The following WDR91 variants were observed in gnomAD, a reference collection of about 807,000 sequenced individuals.
WDR91 encodes the protein WD repeat-containing protein 91.
Under a neutral mutation model 88.4 loss-of-function variants are expected in WDR91, and 52 were observed. The ratio of observed to expected loss-of-function variants is 0.59; its 90% CI spans 0.47 to 0.74. The LOEUF is 0.74. WDR91 is among the 30% of genes least tolerant of loss of function. The pLI, the probability that WDR91 is intolerant of heterozygous loss-of-function variation, is 0.00. For missense variants in WDR91, 824 were observed against 954.5 expected, an observed-to-expected ratio of 0.86 and a Z score of 1.80; for synonymous variants, 362 against 389.5, an observed-to-expected ratio of 0.93 and a Z score of 0.83.
chr7:135,211,455 C>T lies in WDR91; in HGVS notation c.48G>A (p.Leu16=). Residue 16 remains leucine (L), a synonymous_variant, in exon 1 of 15, where the codon CTG becomes CTA. Transcript: ENST00000354475. ...GTGTGTGCGTGAACCCGCGGAAGAG[C>T]AGGTACTCCCGGACCAGCTCGTCAG... ...ERTDELVREY[L]LFRGFTHTLR... 1 of 1,612,374 alleles carries T rather than the reference C, an allele frequency of 6.2e-7. No homozygotes were observed. The highest frequency in any genetic ancestry group is 8.5e-7 in the Non-Finnish European group (1 of 1,179,298).
At chr7:135,188,590 G>A in intron 12 of WDR91, 45 bp from the exon 13 acceptor site, 3 of 1,546,506 alleles carry the variant, frequency 1.9e-6, no homozygotes, top group Non-Finnish European at 1.8e-6. Context: ...CCAGGGCTCT[G>A]CAGAAGGAAT....
intron 3 of WDR91, 57 bp downstream of exon 3, chr7:135,208,734 T>A: frequency 6.8e-7 from 1 of 1,463,542 alleles, no homozygotes; most frequent in Non-Finnish European, 9.2e-7. Flanking sequence ...GGGCTACTGA[T>A]CCTGAGGTCT....
intron 3 of WDR91, among the ~76,000 whole-genome samples, chr7:135,208,367 C>T (rs1831883341): frequency 6.6e-6 from 1 of 152,212 alleles, no homozygotes; most frequent in African/African-American, 2.4e-5. Flanking sequence ...AACACTAACA[C>T]AGACAGAAGT....
At position 135,209,637 on chromosome 7, in the gene WDR91, C is replaced by T; in HGVS notation, c.242G>A (p.Arg81Lys). 6.2e-7 allele frequency: 1 copy of T among 1,611,608 alleles called. No individual in the cohort carries two copies. The highest frequency in any genetic ancestry group is 8.5e-7 in the Non-Finnish European group (1 of 1,178,826). The change falls in exon 2 of 15, where the codon AGA (arginine) becomes AAA (lysine). Residue 81 changes from arginine (R) to lysine (K), a missense_variant. Transcript: ENST00000354475. ...RLFSRLEDIY[R>K]PTIHKLKTSL... The stretch of plus-strand genomic sequence containing the variant: ...GGTTTTCAGCTTGTGGATTGTGGGT[C>T]TGTATATATCCTCCAAGCGGCTGAA...
chr7:135,184,283 A>G lies in WDR91; in HGVS notation c.*1868T>C, dbSNP rs973132307. 6.6e-6 allele frequency: 1 copy of G among 152,182 alleles called. No individual in the cohort carries two copies. The highest frequency in any genetic ancestry group is 1.5e-5 in the Non-Finnish European group (1 of 68,022). The allele number at this position is 152,182 out of a possible 1,614,324, so 9.4% of individuals were successfully genotyped here. On this transcript the variant is annotated 3_prime_UTR_variant, in exon 15 of 15. Coordinates refer to ENST00000354475, the MANE Select transcript of WDR91 (RefSeq NM_014149.4). ...ACTTTTCCCTCAACTCCCAGAACAA[A>G]GCCAAGACTTTGGTACCAATTTCTT... is the stretch of plus-strand genomic sequence containing the variant.
At chr7:135,194,047 G>A (rs1228186209) in intron 9 of WDR91, among the ~76,000 whole-genome samples, 9 of 151,992 alleles carry the variant, frequency 5.9e-5, no homozygotes, top group East Asian at 1.9e-4. Context: ...CCCTCCCAGC[G>A]TACTCGCTTC....
At position 135,185,595 on chromosome 7, in the gene WDR91, G is replaced by C. The variant is rs532114941; in HGVS notation, c.*556C>G. ...ATTCTGTGGCCTTGACTTAAGCCCA[G>C]AGAAACAGGAACTGCCAAACCTTGT... On this transcript the variant is annotated 3_prime_UTR_variant, in exon 15 of 15. Transcript: ENST00000354475. 6.6e-6 allele frequency: 1 copy of C among 152,224 alleles called. No individual in the cohort carries two copies. The highest frequency in any genetic ancestry group is 2.4e-5 in the African/African-American group (1 of 41,436). 9.4% of individuals were successfully genotyped at this position (152,224 alleles called of 1,614,324 possible).
chr7:135,204,280 G>C lies in WDR91; in HGVS notation c.879C>G (p.Ser293=). Residue 293 remains serine, a synonymous_variant, in exon 6 of 15, where the codon TCC becomes TCG. Transcript: ENST00000354475. ...GACTTGTGCTTACCTGACCACCGAA[G>C]GACTCTTTCTTGGCCGAGCTCTGAG... is the stretch of plus-strand genomic sequence containing the variant. ...PQPQSSAKKE[S]FGGQGTKGKD... 1.2e-6 allele frequency: 2 copies of C among 1,614,070 alleles called. No individual in the cohort carries two copies. Among genetic ancestry groups the C allele is most frequent in the Non-Finnish European group, 1.7e-6 (2 of 1,179,994 alleles).
chr7:135,209,882 T>A (rs1420531000), intron 1 of WDR91, 127 bp from the exon 2 acceptor site: 8 of 805,724 alleles, frequency 9.9e-6, no homozygotes, highest in Non-Finnish European at 1.4e-5. Context: ...TAGCAATCTA[T>A]AAAATTTTCA....
At position 135,187,125 on chromosome 7, in the gene WDR91, C is replaced by T. The variant is rs760361048; in HGVS notation, c.1926G>A (p.Glu642=). 8 of 1,614,244 alleles carry T rather than the reference C, an allele frequency of 5.0e-6. No homozygotes were observed. Among genetic ancestry groups the T allele is most frequent in the Non-Finnish European group, 6.8e-6 (8 of 1,180,044 alleles). Residue 642 remains glutamate (E), a synonymous_variant, in exon 14 of 15, where the codon GAG becomes GAA. Coordinates refer to ENST00000354475, the MANE Select transcript of WDR91 (RefSeq NM_014149.4). ...CCGTGGCATCTGAGGGGAGGCTGTACTCGGATACCTTGAGGCCACTCTTGT... is the reference window on the plus strand; with the variant it reads ...CCGTGGCATCTGAGGGGAGGCTGTATTCGGATACCTTGAGGCCACTCTTGT... ...NIHKSGLKVS[E]YSLPSDATGP...
chr7:135,208,157 TCTC>T (rs1345993593), intron 3 of WDR91, among the ~76,000 whole-genome samples: 1 of 152,056 alleles, frequency 6.6e-6, no homozygotes, highest in Non-Finnish European at 1.5e-5. Flanking sequence ...CAGACTCCCT[TCTC>T]CTCCTCTAAA....
Position 135,189,218 on chromosome 7 carries a change from C to T in WDR91, c.1768+126G>A, listed in dbSNP as rs1831071148. 6 of 703,120 alleles carry T rather than the reference C, an allele frequency of 8.5e-6. No homozygotes were observed. The South Asian group carries it at 1.1e-4, about 13-fold the overall frequency. 43.6% of individuals were successfully genotyped at this position (703,120 alleles called of 1,614,324 possible). On this transcript the variant is annotated intron_variant, in intron 12 of 14. Transcript: ENST00000354475. ...CGTTGACCAAAGTTAAGCTGTAGTA[C>T]ATGCATCTGAAGTCAGGGTTTTGCA...
At chr7:135,200,492 T>A (rs1831531505) in intron 6 of WDR91, among the ~76,000 whole-genome samples, 1 of 152,214 alleles carries the variant, frequency 6.6e-6, no homozygotes, top group Admixed American at 6.5e-5. Flanking sequence ...ACTGTGACCC[T>A]ACCTTACACA....
rs1830909404 is a variant in WDR91, at chr7:135,185,652, G to A, written c.*499C>T. On this transcript the variant is annotated 3_prime_UTR_variant, in exon 15 of 15. Transcript: ENST00000354475. ...GCAGAACAGACAGAGAGCTGACCTG[G>A]CTCCATGGCAAAGCAACAGGAGAGC... is the stretch of plus-strand genomic sequence containing the variant. 1 of 152,378 alleles carries A rather than the reference G, an allele frequency of 6.6e-6. No individual in the cohort carries two copies. Among genetic ancestry groups the A allele is most frequent in the Admixed American group, 6.5e-5 (1 of 15,296 alleles). 9.4% of individuals were successfully genotyped at this position (152,378 alleles called of 1,614,324 possible).
At chr7:135,187,256 G>A in intron 13 of WDR91, 87 bp from the exon 14 acceptor site, 1 of 1,392,334 alleles carries the variant, frequency 7.2e-7, no homozygotes, top group Non-Finnish European at 9.9e-7. Flanking sequence ...CCCCACAGCA[G>A]AGGCTGGCGA....
chr7:135,197,160 A>C (rs1046703230), intron 7 of WDR91: 5 of 152,236 alleles, frequency 3.3e-5, no homozygotes, highest in Non-Finnish European at 7.3e-5. Flanking sequence ...ACAATAAAAA[A>C]AAATAACAGA....
In WDR91 at chr7:135,195,078, G is replaced by A. The variant is rs292575; in HGVS notation, c.1251C>T (p.Asp417=). The change falls in exon 9 of 15, where the codon GAC becomes GAT. Residue 417 remains aspartate, a synonymous_variant. Coordinates refer to ENST00000354475, the MANE Select transcript of WDR91 (RefSeq NM_014149.4). ...HHSSIMHCRV[D]CSGRRVASLD... is the part of the protein sequence containing the mutation. ...AGCTGGCGACTCTCCTCCCAGAGCA[G>A]TCCACTCTGAGATGAGAGAAAAGGG... The A allele has an allele frequency of 0.72, 1,162,898 of 1,611,670 alleles. 422,079 individuals are homozygous for A. Among genetic ancestry groups the A allele is most frequent in the Admixed American group, 0.81 (48,675 of 59,826 alleles).
In WDR91 at chr7:135,196,552, CT is replaced by C. The variant is rs1437678318; in HGVS notation, c.1051-216del. 6.6e-6 allele frequency among the ~76,000 whole-genome samples: 1 copy of C among 152,152 alleles called. No homozygotes were observed. The highest frequency in any genetic ancestry group is 2.4e-5 in the African/African-American group (1 of 41,430). On this transcript the variant is annotated intron_variant, in intron 7 of 14. Coordinates refer to ENST00000354475, the MANE Select transcript of WDR91 (RefSeq NM_014149.4). The surrounding 1 kb of genome is among the most constrained non-coding windows in gnomAD (Gnocchi z 4.2). Reference sequence around the variant, plus strand: ...TGACAGCCCCTTCCTGGAGACTTTGCTCCACACAGGCCCTGCTGAAGGAGAG... The same window carrying C: ...TGACAGCCCCTTCCTGGAGACTTTGCCCACACAGGCCCTGCTGAAGGAGAG...
Position 135,205,947 on chromosome 7 carries a change from G to A in WDR91, c.706C>T (p.Arg236Cys), listed in dbSNP as rs371424611. 4.3e-5 allele frequency: 70 copies of A among 1,613,628 alleles called. No homozygotes were observed. The highest frequency in any genetic ancestry group is 1.7e-5 in the Admixed American group (1 of 60,004). The change falls in exon 5 of 15, where the codon CGC becomes TGC. Residue 236 changes from arginine (R) to cysteine (C), a missense_variant. Coordinates refer to ENST00000354475, the MANE Select transcript of WDR91 (RefSeq NM_014149.4). The stretch of plus-strand genomic sequence containing the variant: ...ACTCACAGTTCCGAGTCCCCCAGGC[G>A]GTCCATGTTGGAGACATAAGGAGGC... ...KLPPYVSNMD[R>C]LGDSELAMVC...
Sources: gnomAD v4.1 joint callset for allele counts (sites outside exome capture counted in the v4.1 genomes callset) on GRCh38, gnomAD v4.1.1 for gene constraint, Gnocchi (gnomAD v3.1) non-coding constraint, MANE v1.5 for transcripts, NCBI Gene and HGNC (gene_info 2026-07-23, HGNC 2026-07-21) for gene names.